Variants in SPOCK3 observed in about 807,000 individuals in gnomAD.
The protein encoded by SPOCK3 is testican-3.
A neutral mutation model predicts 56.6 loss-of-function variants in SPOCK3; 30 were observed. The ratio of observed to expected loss-of-function variants is 0.53; its 90% CI spans 0.40 to 0.72. The LOEUF (loss-of-function observed/expected upper bound fraction) is 0.72. Ranked by LOEUF, SPOCK3 falls within the 30% of genes least tolerant of loss-of-function variation. The pLI, the probability that SPOCK3 is intolerant of heterozygous loss-of-function variation, is 0.00. For missense variants in SPOCK3, 527 were observed against 530.0 expected, an observed-to-expected ratio of 0.99 and a Z score of 0.06; for synonymous variants, 196 against 183.3, an observed-to-expected ratio of 1.07 and a Z score of -0.56.
chr4:166,956,746 C>G lies in SPOCK3; in HGVS notation c.350+43603G>C, dbSNP rs1021699252. ...AGCCCACTCCCTCTCATACCCAACG[C>G]CCTCAATTCTTCCACTTCACCAGAA... is the stretch of plus-strand genomic sequence containing the variant. On this transcript the variant is annotated intron_variant, in intron 4 of 10. Transcript: ENST00000357545. Among the ~76,000 whole-genome samples the G allele has an allele frequency of 2.6e-5, 4 of 152,170 alleles. No homozygotes were observed. In the East Asian group the frequency reaches 7.7e-4, roughly 29 times the overall value.
intron 7 of SPOCK3, among the ~76,000 whole-genome samples, chr4:166,770,471 T>C (rs1738782137): frequency 6.6e-6 from 1 of 152,214 alleles, no homozygotes; most frequent in Non-Finnish European, 1.5e-5. Context: ...CCATGTAATA[T>C]ATCAGGTCCT....
chr4:167,176,895 G>A (rs908154753), intron 2 of SPOCK3, among the ~76,000 whole-genome samples: 2 of 152,126 alleles, frequency 1.3e-5, no homozygotes, highest in Non-Finnish European at 2.9e-5. Context: ...AGCACAGCAT[G>A]AGATCACAGC....
intron 6 of SPOCK3, among the ~76,000 whole-genome samples, chr4:166,840,865 G>A (rs1202008294): frequency 7.2e-5 from 10 of 139,518 alleles, no homozygotes; most frequent in Non-Finnish European, 1.1e-4. Context: ...TGCAAGGTCC[G>A]CCTCCCGGGT....
intron 6 of SPOCK3, among the ~76,000 whole-genome samples, chr4:166,830,309 ACT>A (rs1314625832): frequency 6.6e-6 from 1 of 152,148 alleles, no homozygotes; most frequent in African/African-American, 2.4e-5. Flanking sequence ...GATTTTTAGG[ACT>A]CTGAATATAA....
intron 5 of SPOCK3, among the ~76,000 whole-genome samples, chr4:166,896,347 C>T (rs932612638): frequency 6.6e-6 from 1 of 152,152 alleles, no homozygotes; most frequent in African/African-American, 2.4e-5. Context: ...ATGGACCCTC[C>T]AGCAGCTGAC....
At chr4:167,054,068 A>G (rs763618068) in intron 3 of SPOCK3, among the ~76,000 whole-genome samples, 2 of 152,144 alleles carry the variant, frequency 1.3e-5, no homozygotes, top group Non-Finnish European at 2.9e-5. Flanking sequence ...TAGAAAGCAT[A>G]TTTTCCTTCT....
intron 2 of SPOCK3, among the ~76,000 whole-genome samples, chr4:167,201,122 T>G (rs1347587667): frequency 6.6e-6 from 1 of 152,032 alleles, no homozygotes; most frequent in Non-Finnish European, 1.5e-5. Flanking sequence ...AAAAGAGAGA[T>G]AATTTAAGTT....
At chr4:167,087,516 A>G (rs533916462) in intron 2 of SPOCK3, among the ~76,000 whole-genome samples, 1 of 152,286 alleles carries the variant, frequency 6.6e-6, no homozygotes, top group South Asian at 2.1e-4. Context: ...CACAAATCTT[A>G]TCCCCAGAAC....
At chr4:167,180,860 C>T (rs539649225) in intron 2 of SPOCK3, among the ~76,000 whole-genome samples, 4 of 151,712 alleles carry the variant, frequency 2.6e-5, no homozygotes, top group Admixed American at 2.0e-4. Context: ...ATTTTCAGCC[C>T]GATGAGGTGA....
chr4:166,941,767 C>T lies in SPOCK3; in HGVS notation c.351-29024G>A, dbSNP rs571265001. Among the ~76,000 whole-genome samples the T allele has an allele frequency of 2.0e-4, 30 of 152,292 alleles. No homozygotes were observed. The South Asian group carries it at 2.5e-3, about 13-fold the overall frequency. ...ACTCGCACTGAGGAGCAAGCTGCCA[C>T]GGTGTGAGTAGTCCTGTAGTGAGTT... On this transcript the variant is annotated intron_variant, in intron 4 of 10. Coordinates refer to ENST00000357545, the MANE Select transcript of SPOCK3 (RefSeq NM_001040159.2).
At chr4:166,822,253 T>C (rs1745010412) in intron 6 of SPOCK3, among the ~76,000 whole-genome samples, 1 of 152,028 alleles carries the variant, frequency 6.6e-6, no homozygotes, top group Non-Finnish European at 1.5e-5. Flanking sequence ...TATCCTTGTT[T>C]TCCCGCTGAC....
At chr4:166,878,760 A>T (rs780405779) in intron 6 of SPOCK3, among the ~76,000 whole-genome samples, 1 of 152,186 alleles carries the variant, frequency 6.6e-6, no homozygotes, top group Non-Finnish European at 1.5e-5. Flanking sequence ...CACTGTAATT[A>T]GGAGGCAGCA....
At chr4:166,932,319 G>C (rs1739880338) in intron 4 of SPOCK3, among the ~76,000 whole-genome samples, 1 of 152,066 alleles carries the variant, frequency 6.6e-6, no homozygotes, top group Non-Finnish European at 1.5e-5. Flanking sequence ...TGTACTCTTG[G>C]ATATAAATCT....
intron 7 of SPOCK3, among the ~76,000 whole-genome samples, chr4:166,768,199 ATAT>A (rs1738398857): frequency 6.6e-6 from 1 of 152,062 alleles, no homozygotes; most frequent in Non-Finnish European, 1.5e-5. Context: ...TTTAAGATTA[ATAT>A]TGTTATGTGT....
chr4:166,856,265 G>A (rs950168016), intron 6 of SPOCK3, among the ~76,000 whole-genome samples: 1 of 152,016 alleles, frequency 6.6e-6, no homozygotes, highest in African/African-American at 2.4e-5. Context: ...TAGTGCTGAT[G>A]TTCTATTGCA....
At chr4:167,123,728 G>A (rs1425886282) in intron 2 of SPOCK3, among the ~76,000 whole-genome samples, 1 of 147,720 alleles carries the variant, frequency 6.8e-6, no homozygotes, top group African/African-American at 2.5e-5. Context: ...GCTCCAACAA[G>A]ACATTTCTTT....
At chr4:166,826,725 C>A (rs1365148291) in intron 6 of SPOCK3, among the ~76,000 whole-genome samples, 1 of 152,036 alleles carries the variant, frequency 6.6e-6, no homozygotes, top group African/African-American at 2.4e-5. Flanking sequence ...GAGCACAGTA[C>A]CTTAATATGA....
intron 6 of SPOCK3, among the ~76,000 whole-genome samples, chr4:166,792,934 T>C (rs1741509059): frequency 6.6e-6 from 1 of 152,196 alleles, no homozygotes; most frequent in South Asian, 2.1e-4. Context: ...TTCCTCTTTG[T>C]TTTTTAAAGA....
At chr4:166,905,164 T>C (rs1347435880) in intron 5 of SPOCK3, among the ~76,000 whole-genome samples, 1 of 152,112 alleles carries the variant, frequency 6.6e-6, no homozygotes, top group East Asian at 1.9e-4. Context: ...ACAGTTATTT[T>C]AGCAATTACT....
Sources: allele counts gnomAD v4.1 joint callset (sites outside exome capture counted in the v4.1 genomes callset), GRCh38; gene constraint gnomAD v4.1.1; transcripts MANE v1.5; gene names NCBI Gene and HGNC (gene_info 2026-07-23, HGNC 2026-07-21).